Variants in NKAIN2 observed in about 807,000 individuals in gnomAD.
NKAIN2 encodes sodium/potassium transporting ATPase interacting 2, also known as sodium/potassium-transporting ATPase subunit beta-1-interacting protein 2.
Under a neutral mutation model 32.6 loss-of-function variants are expected in NKAIN2, and 14 were observed. The observed-to-expected ratio is 0.43, with a 90% CI of 0.28 to 0.67. The LOEUF is 0.67. Ranked by LOEUF, NKAIN2 falls within the 30% of genes least tolerant of loss-of-function variation. The probability of loss-of-function intolerance (pLI) is 0.17; values close to 1 mark genes in which losing one functional copy is unlikely to be tolerated. For missense variants in NKAIN2, 198 were observed against 258.3 expected, an observed-to-expected ratio of 0.77 and a Z score of 1.60; for synonymous variants, 80 against 87.2, an observed-to-expected ratio of 0.92 and a Z score of 0.46.
intron 3 of NKAIN2, among the ~76,000 whole-genome samples, chr6:124,537,553 A>G (rs1024750557): frequency 4.3e-4 from 65 of 152,222 alleles, no homozygotes; most frequent in African/African-American, 1.5e-3. Context: ...ATCTATGTCT[A>G]TCTCTTTAGG....
intron 1 of NKAIN2, among the ~76,000 whole-genome samples, chr6:124,262,155 A>G (rs760520318): frequency 1.3e-5 from 2 of 152,134 alleles, no homozygotes; most frequent in Admixed American, 6.5e-5. Flanking sequence ...GGCTGTGACT[A>G]TGGTACTTAG....
intron 4 of NKAIN2, among the ~76,000 whole-genome samples, chr6:124,757,156 T>C (rs1778003565): frequency 6.6e-6 from 1 of 152,190 alleles, no homozygotes; most frequent in Admixed American, 6.5e-5. Flanking sequence ...ACTGAAATTT[T>C]ATGCTAAAGG....
At chr6:124,199,625 G>A (rs1424365133) in intron 1 of NKAIN2, among the ~76,000 whole-genome samples, 1 of 152,122 alleles carries the variant, frequency 6.6e-6, no homozygotes, top group Non-Finnish European at 1.5e-5. Flanking sequence ...ATATGAATAT[G>A]CATTTCTACA....
At chr6:123,840,732 C>G (rs924027337) in intron 1 of NKAIN2, among the ~76,000 whole-genome samples, 11 of 152,026 alleles carry the variant, frequency 7.2e-5, no homozygotes, top group South Asian at 4.2e-4. Context: ...TTTTGGGGAT[C>G]AAAAAGCAGA....
At chr6:124,602,676 T>C (rs1782354330) in intron 3 of NKAIN2, among the ~76,000 whole-genome samples, 5 of 152,028 alleles carry the variant, frequency 3.3e-5, no homozygotes, top group Middle Eastern at 3.2e-3. Context: ...TTCTTTGTTC[T>C]ACTTTTAACT....
chr6:124,344,194 T>TCTGTTTTGGTACCAGTACCATG, intron 2 of NKAIN2, among the ~76,000 whole-genome samples: 1 of 152,158 alleles, frequency 6.6e-6, no homozygotes, highest in African/African-American at 2.4e-5. Context: ...GATCTATATC[T>TCTGTTTTGGTACCAGTACCATG]CTGTTTTGGT....
intron 1 of NKAIN2, among the ~76,000 whole-genome samples, chr6:124,154,329 A>G (rs1242996432): frequency 6.6e-6 from 1 of 151,844 alleles, no homozygotes; most frequent in East Asian, 1.9e-4. Flanking sequence ...CTTCTCTGTC[A>G]CTCAGTTCTG....
chr6:123,862,605 T>G (rs2114980480), intron 1 of NKAIN2, among the ~76,000 whole-genome samples: 1 of 152,294 alleles, frequency 6.6e-6, no homozygotes, highest in Middle Eastern at 3.4e-3. Context: ...TGCTCCATAG[T>G]TTATACCCTG....
At chr6:124,621,617 T>C (rs1485458338) in intron 3 of NKAIN2, among the ~76,000 whole-genome samples, 1 of 152,312 alleles carries the variant, frequency 6.6e-6, no homozygotes, top group East Asian at 1.9e-4. Context: ...CTGTGATCCC[T>C]GAGCTGGGCT....
At chr6:124,391,981 T>G (rs1773162875) in intron 3 of NKAIN2, among the ~76,000 whole-genome samples, 1 of 152,146 alleles carries the variant, frequency 6.6e-6, no homozygotes, top group South Asian at 2.1e-4. Flanking sequence ...TGTTACTTGA[T>G]GCCAAACAAT....
intron 1 of NKAIN2, among the ~76,000 whole-genome samples, chr6:124,025,935 C>T (rs1781089506): frequency 6.6e-6 from 1 of 152,148 alleles, no homozygotes; most frequent in Non-Finnish European, 1.5e-5. Context: ...TCTGACCTAC[C>T]TTGCCTAAAA....
chr6:124,085,822 A>G (rs974327658), intron 1 of NKAIN2, among the ~76,000 whole-genome samples: 2 of 151,958 alleles, frequency 1.3e-5, no homozygotes, highest in African/African-American at 4.8e-5. Context: ...ACGGCTTGGT[A>G]AATCTATATT....
chr6:124,555,497 G>T (rs1293523572), intron 3 of NKAIN2, among the ~76,000 whole-genome samples: 2 of 152,126 alleles, frequency 1.3e-5, no homozygotes, highest in Admixed American at 1.3e-4. Flanking sequence ...GAAAATAGAT[G>T]ATTAAAACAA....
chr6:124,155,327 C>G (rs1484549621), intron 1 of NKAIN2, among the ~76,000 whole-genome samples: 1 of 151,952 alleles, frequency 6.6e-6, no homozygotes, highest in Admixed American at 6.6e-5. Flanking sequence ...GTTCCCAACA[C>G]AAAGAAATGA....
intron 5 of NKAIN2, among the ~76,000 whole-genome samples, chr6:124,801,433 T>G (rs1041688661): frequency 4.6e-5 from 7 of 152,186 alleles, no homozygotes; most frequent in African/African-American, 9.7e-5. Context: ...CAAATTGACT[T>G]GCTCAAAGTT....
At chr6:123,920,710 T>G (rs933130298) in intron 1 of NKAIN2, among the ~76,000 whole-genome samples, 5 of 152,194 alleles carry the variant, frequency 3.3e-5, no homozygotes, top group African/African-American at 1.2e-4. Context: ...ATCTGTTCAA[T>G]TGTGACAACT....
intron 4 of NKAIN2, among the ~76,000 whole-genome samples, chr6:124,763,327 G>T (rs1778359699): frequency 6.6e-6 from 1 of 152,224 alleles, no homozygotes; most frequent in Admixed American, 6.5e-5. Context: ...TCACAGTTCT[G>T]CAGGCTGCAC....
At chr6:124,812,369 G>C (rs554465823) in intron 5 of NKAIN2, among the ~76,000 whole-genome samples, 1 of 152,286 alleles carries the variant, frequency 6.6e-6, no homozygotes, top group South Asian at 2.1e-4. Context: ...AAGGGTCTAA[G>C]AGTTTATTTG....
chr6:124,764,339 T>A (rs1374515217), intron 4 of NKAIN2, among the ~76,000 whole-genome samples: 2 of 152,214 alleles, frequency 1.3e-5, no homozygotes, highest in Non-Finnish European at 2.9e-5. Context: ...TCAAACCTGA[T>A]GACAGATCTC....
Sources: gnomAD v4.1 joint callset for allele counts (sites outside exome capture counted in the v4.1 genomes callset) on GRCh38, gnomAD v4.1.1 for gene constraint, MANE v1.5 for transcripts, NCBI Gene and HGNC (gene_info 2026-07-23, HGNC 2026-07-21) for gene names.